Variants in TSPAN1 observed in about 807,000 individuals in gnomAD.
The protein encoded by TSPAN1 is tetraspanin 1, also known as tetraspanin-1.
Under a neutral mutation model 26.9 loss-of-function variants are expected in TSPAN1, and 23 were observed. That is an observed-to-expected ratio of 0.85 (90% CI 0.62 to 1.21). TSPAN1 has a LOEUF of 1.21. Ranked by LOEUF, TSPAN1 falls within the 50% of genes most tolerant of loss-of-function variation. TSPAN1 has a pLI of 0.00. For synonymous variants in TSPAN1, 115 were observed against 114.8 expected (o/e 1.00, Z -0.01); for missense variants, 283 against 298.4 (o/e 0.95, Z 0.38).
At chr1:46,193,077 G>A in the TSPAN1 span, 7 of 1,603,322 alleles carry the variant, frequency 4.4e-6, no homozygotes, top group Non-Finnish European at 5.1e-6. Context: ...TGAAGGATGA[G>A]GCCCAGTGAG....
At chr1:46,188,653 T>A, downstream of TSPAN1, 1 of 1,557,022 alleles carries the variant, frequency 6.4e-7, no homozygotes, top group Non-Finnish European at 8.7e-7. Flanking sequence ...AGCACCCCCC[T>A]GACACACAAA....
downstream of TSPAN1, chr1:46,188,911 G>A (rs1308180916): frequency 1.2e-6 from 2 of 1,612,674 alleles, no homozygotes; most frequent in Non-Finnish European, 8.5e-7. Flanking sequence ...AGAAATCCAG[G>A]CCCTCCAGGT....
chr1:46,192,168 C>T, the TSPAN1 span: 82 of 1,614,032 alleles, frequency 5.1e-5, no homozygotes, highest in Non-Finnish European at 6.4e-5. Flanking sequence ...AGGGATGATG[C>T]ACTCTCGGCC....
chr1:46,189,337 A>T, downstream of TSPAN1: 1 of 1,613,846 alleles, frequency 6.2e-7, no homozygotes, highest in African/African-American at 1.3e-5. Flanking sequence ...AATTGGGGTG[A>T]CTGAGGGTGG....
downstream of TSPAN1, chr1:46,189,009 G>A: frequency 1.3e-6 from 2 of 1,595,794 alleles, no homozygotes; most frequent in Non-Finnish European, 1.7e-6. Context: ...CAAAGGGCAG[G>A]ATGAGCTGCT....
At position 46,184,233 on chromosome 1, in the gene TSPAN1, A is replaced by G. The variant is rs757426416; in HGVS notation, c.100A>G (p.Ile34Val). ...GTTGGCAGTGGGCATCTGGGTGTCA[A>G]TCGATGGGGCATCCTTTCTGAAGAT... ...ALLAVGIWVS[I>V]DGASFLKIFG... Residue 34 changes from isoleucine (I) to valine (V), a missense_variant, in exon 4 of 9, where the codon ATC becomes GTC. Transcript: ENST00000372003. 1.2e-6 allele frequency: 2 copies of G among 1,614,150 alleles called. No individual in the cohort carries two copies. Among genetic ancestry groups the G allele is most frequent in the South Asian group, 1.1e-5 (1 of 91,076 alleles).
downstream of TSPAN1, chr1:46,188,900 A>C: frequency 2.5e-6 from 4 of 1,612,786 alleles, no homozygotes; most frequent in Non-Finnish European, 3.4e-6. Context: ...CCAGCCCAAA[A>C]AGAAATCCAG....
At position 46,184,886 on chromosome 1, in the gene TSPAN1, A is replaced by G. The variant is rs1275770625; in HGVS notation, c.438+3A>G. 14 of 1,614,104 alleles carry G rather than the reference A, an allele frequency of 8.7e-6. No homozygotes were observed. Among genetic ancestry groups the G allele is most frequent in the Admixed American group, 1.7e-5 (1 of 59,998 alleles). On this transcript the variant is annotated splice_donor_region_variant and intron_variant, in intron 6 of 8. Transcript: ENST00000372003. ...TGTGGAACACCACCATGAAAGGGGT[A>G]AGGTTGGCTGGGGGAGGTTTTAGGG...
the TSPAN1 span, chr1:46,192,013 A>G: frequency 2.0e-6 from 3 of 1,498,522 alleles, no homozygotes; most frequent in Non-Finnish European, 2.8e-6. Context: ...GCTAGCAAGT[A>G]GCAGAGCTAA....
chr1:46,195,659 A>C, the TSPAN1 span: 1 of 769,226 alleles, frequency 1.3e-6, no homozygotes, highest in East Asian at 2.7e-5. Context: ...CTATTTGCTG[A>C]ATTAATACAA....
chr1:46,192,218 CCA>C, the TSPAN1 span: 1 of 1,614,194 alleles, frequency 6.2e-7, no homozygotes, highest in Non-Finnish European at 8.5e-7. Flanking sequence ...TGTCCCAATC[CCA>C]GAGCTGGCAG....
At chr1:46,189,900 C>T (rs772158768), downstream of TSPAN1, 21 of 1,613,850 alleles carry the variant, frequency 1.3e-5, no homozygotes, top group South Asian at 2.2e-5. Context: ...TTTCTCCATT[C>T]GAATAAAGGC....
chr1:46,176,071 T>G (rs1273633339), intron 1 of TSPAN1, among the ~76,000 whole-genome samples: 3 of 152,174 alleles, frequency 2.0e-5, no homozygotes, highest in Admixed American at 1.3e-4. Context: ...GAGATGGGAT[T>G]TCACCGTGTT....
intron 7 of TSPAN1, 38 bp from the exon 8 acceptor site, chr1:46,185,187 C>T (rs768564736): frequency 3.1e-6 from 5 of 1,614,102 alleles, no homozygotes; most frequent in Non-Finnish European, 4.2e-6. Context: ...GGGAGTAGGG[C>T]AGCTGCCAAC....
At chr1:46,189,901 G>A (rs386834018), downstream of TSPAN1, 8 of 1,613,900 alleles carry the variant, frequency 5.0e-6, no homozygotes, top group Admixed American at 1.7e-5. Context: ...TTCTCCATTC[G>A]AATAAAGGCC....
At chr1:46,182,209 A>G (rs1366319773) in intron 3 of TSPAN1, among the ~76,000 whole-genome samples, 1 of 150,554 alleles carries the variant, frequency 6.6e-6, no homozygotes, top group Non-Finnish European at 1.5e-5. Context: ...TGGGTATTTG[A>G]AAATCATGTG....
downstream of TSPAN1, chr1:46,190,909 T>A (rs1657715046): frequency 1.1e-6 from 1 of 877,982 alleles, no homozygotes; most frequent in African/African-American, 1.7e-5. Context: ...CCCTCTAATT[T>A]CCCACCGTCT....
downstream of TSPAN1, chr1:46,189,320 C>G (rs778115320): frequency 4.8e-5 from 77 of 1,613,660 alleles, no homozygotes; most frequent in Non-Finnish European, 6.3e-5. Flanking sequence ...GGGGGTGGCT[C>G]CAGGAAAATT....
Position 46,175,374 on chromosome 1 carries a change from C to G in TSPAN1, c.-177C>G. 1 of 384,458 alleles carries G rather than the reference C, an allele frequency of 2.6e-6. No individual in the cohort carries two copies. The highest frequency in any genetic ancestry group is 2.1e-5 in the African/African-American group (1 of 48,412). 23.8% of individuals were successfully genotyped at this position (384,458 alleles called of 1,614,324 possible). Reference sequence around the variant, plus strand: ...TGTCCTGTCCTCCTGCTGTCTTAAACTATGATCCCTGCTGCGGTCACTGAA... The same window carrying G: ...TGTCCTGTCCTCCTGCTGTCTTAAAGTATGATCCCTGCTGCGGTCACTGAA... On this transcript the variant is annotated 5_prime_UTR_variant, in exon 1 of 9. Coordinates refer to ENST00000372003, the MANE Select transcript of TSPAN1 (RefSeq NM_005727.4).
Sources: allele counts gnomAD v4.1 joint callset (sites outside exome capture counted in the v4.1 genomes callset), GRCh38; gene constraint gnomAD v4.1.1; transcripts MANE v1.5; gene names NCBI Gene and HGNC (gene_info 2026-07-23, HGNC 2026-07-21).